HLA-DMB: variants seen among roughly 807,000 people sequenced by gnomAD.
The protein encoded by HLA-DMB is major histocompatibility complex, class II, DM beta, also known as HLA class II histocompatibility antigen, DM beta chain.
A neutral mutation model predicts 29.3 loss-of-function variants in HLA-DMB; 18 were observed. That is an observed-to-expected ratio of 0.62 (90% CI 0.43 to 0.91). HLA-DMB has a LOEUF of 0.91. Ranked by LOEUF, HLA-DMB falls within the 40% of genes least tolerant of loss-of-function variation. The pLI, the probability that HLA-DMB is intolerant of heterozygous loss-of-function variation, is 0.00. For missense variants in HLA-DMB, 258 were observed against 320.9 expected (o/e 0.80, Z 1.50); for synonymous variants, 143 against 128.7 (o/e 1.11, Z -0.75).
At position 32,940,898 on chromosome 6, in the gene HLA-DMB, T is replaced by C; in HGVS notation, c.-91A>G. ...CTCGCCTGTCCCAGAAGCCCCAGCC[T>C]GGGTAGATGATCTCCAGACACTGAG... On this transcript the variant is annotated 5_prime_UTR_variant, in exon 1 of 6. Transcript: ENST00000418107. 1.0e-6 allele frequency: 1 copy of C among 970,470 alleles called. No individual in the cohort carries two copies. The highest frequency in any genetic ancestry group is 1.6e-6 in the Non-Finnish European group (1 of 628,884). The allele number at this position is 970,470 out of a possible 1,614,324, so 60.1% of individuals were successfully genotyped here.
rs999784485 is a variant in HLA-DMB, at chr6:32,935,681, A to G, written c.623-29T>C. 1.9e-6 allele frequency: 3 copies of G among 1,543,356 alleles called. No homozygotes were observed. The African/African-American group carries it at 4.1e-5, about 21-fold the overall frequency. On this transcript the variant is annotated intron_variant, in intron 3 of 5. Coordinates refer to ENST00000418107, the MANE Select transcript of HLA-DMB (RefSeq NM_002118.5). ...CAAAAAATAGAAACTTACTTGACCC[A>G]GTTTCTGTTGCTCACCCCCAGGGCA...
intron 2 of HLA-DMB, chr6:32,938,479 C>T (rs1329420431): frequency 4.4e-6 from 2 of 454,986 alleles, no homozygotes; most frequent in Non-Finnish European, 7.4e-6. Context: ...TCAAGCCTCA[C>T]CTCCCCTTCT....
Position 32,940,772 on chromosome 6 carries a change from G to T in HLA-DMB, c.36C>A (p.Ser12Arg). The change falls in exon 1 of 6, where the codon AGC becomes AGA. Residue 12 changes from serine to arginine, a missense_variant. Transcript: ENST00000418107. Reference protein sequence around the residue: ...ITFLPLLLGLSLGCTGAGGFV... With the variant: ...ITFLPLLLGLRLGCTGAGGFV... ...CCTTACCTGCTCCTGTGCAGCCCAG[G>T]CTGAGCCCCAGCAGCAGCGGCAGGA... 6.2e-7 allele frequency: 1 copy of T among 1,606,186 alleles called. No individual in the cohort carries two copies. The highest frequency in any genetic ancestry group is 8.5e-7 in the Non-Finnish European group (1 of 1,176,942).
rs1340271052 is a variant in HLA-DMB, at chr6:32,937,768, C to G, written c.338-312G>C. 5.4e-6 allele frequency: 2 copies of G among 367,470 alleles called. No individual in the cohort carries two copies. Among genetic ancestry groups the G allele is most frequent in the African/African-American group, 4.1e-5 (2 of 48,468 alleles). 22.8% of individuals were successfully genotyped at this position (367,470 alleles called of 1,614,324 possible). On this transcript the variant is annotated intron_variant, in intron 2 of 5. Coordinates refer to ENST00000418107, the MANE Select transcript of HLA-DMB (RefSeq NM_002118.5). The surrounding 1 kb of genome is among the most constrained non-coding windows in gnomAD (Gnocchi z 4.1). ...GTTGTATTTATTTCAAGTACATAAA[C>G]TGGAAAGTATTTGAAATAAGGAAGC...
rs980138157 is a variant in HLA-DMB at position 32,940,886 on chromosome 6, G to A, written c.-79C>T. On this transcript the variant is annotated 5_prime_UTR_variant, in exon 1 of 6. Transcript: ENST00000418107. The stretch of plus-strand genomic sequence containing the variant: ...GGTCCGTGGGTCCTCGCCTGTCCCA[G>A]AAGCCCCAGCCTGGGTAGATGATCT... 1 of 1,135,556 alleles carries A rather than the reference G, an allele frequency of 8.8e-7. No individual in the cohort carries two copies. Among genetic ancestry groups the A allele is most frequent in the African/African-American group, 1.5e-5 (1 of 64,924 alleles). 70.3% of individuals were successfully genotyped at this position (1,135,556 alleles called of 1,614,324 possible). A position where few individuals can be genotyped will look rare whatever the true frequency, so the allele number is the denominator to read the frequency against.
Position 32,935,457 on chromosome 6 carries a change from A to C in HLA-DMB, c.739+79T>G, listed in dbSNP as rs1293848874. On this transcript the variant is annotated intron_variant, in intron 4 of 5. Coordinates refer to ENST00000418107, the MANE Select transcript of HLA-DMB (RefSeq NM_002118.5). ...AGTATTCATAGCAAATGCAGTAGGA[A>C]GGAGAGAGTTAATCACAAACAGAAA... 4 of 1,505,102 alleles carry C rather than the reference A, an allele frequency of 2.7e-6. No individual in the cohort carries two copies. In the African/African-American group the frequency reaches 5.5e-5, roughly 21 times the overall value. The allele number at this position is 1,505,102 out of a possible 1,614,324, so 93.2% of individuals were successfully genotyped here.
Position 32,937,969 on chromosome 6 carries a change from T to A in HLA-DMB, c.338-513A>T, listed in dbSNP as rs194675. 59,402 of 154,868 alleles carry A rather than the reference T, an allele frequency of 0.38. 12,532 individuals are homozygous for A. Among genetic ancestry groups the A allele is most frequent in the Middle Eastern group, 0.47 (142 of 302 alleles). The allele number at this position is 154,868 out of a possible 1,614,324, so 9.6% of individuals were successfully genotyped here. On this transcript the variant is annotated intron_variant, in intron 2 of 5. Coordinates refer to ENST00000418107, the MANE Select transcript of HLA-DMB (RefSeq NM_002118.5). The surrounding 1 kb of genome is among the most constrained non-coding windows in gnomAD (Gnocchi z 4.1). ...TTTGGAATGAATGTAGTCAAACTAA[T>A]GAGATTGCTAATACTGCCATCTTTT...
intron 1 of HLA-DMB, among the ~76,000 whole-genome samples, chr6:32,939,651 T>C (rs914177218): frequency 6.6e-6 from 1 of 152,202 alleles, no homozygotes; most frequent in Non-Finnish European, 1.5e-5. Context: ...AAAGAAATGA[T>C]AAATGAGATG....
chr6:32,938,944 T>C lies in HLA-DMB; in HGVS notation c.77A>G (p.Glu26Gly). 6.3e-7 allele frequency: 1 copy of C among 1,580,192 alleles called. No homozygotes were observed. The highest frequency in any genetic ancestry group is 1.1e-5 in the South Asian group (1 of 87,210). ...AGCATCATCCAACAGACAGGTGCTT[T>C]CCACATGGGCCACGAAGCCACCTAG... ...TGAGGFVAHV[E>G]STCLLDDAGT... The change falls in exon 2 of 6, where the codon GAA becomes GGA. Residue 26 changes from glutamate (E) to glycine (G), a missense_variant. Glu to Gly is a moderately conservative substitution (Grantham distance 98, BLOSUM62 -2). Transcript: ENST00000418107.
chr6:32,935,015 G>T (rs1489432905), intron 5 of HLA-DMB, 28 bp from the exon 6 acceptor site: 1 of 1,612,484 alleles, frequency 6.2e-7, no homozygotes, highest in South Asian at 1.1e-5. Context: ...GGGAGATAAT[G>T]AGGCTTCAAC....
chr6:32,938,384 TG>T, intron 2 of HLA-DMB: 1 of 351,726 alleles, frequency 2.8e-6, no homozygotes, highest in East Asian at 4.2e-5. Flanking sequence ...CATCAAAATC[TG>T]GGATAACAAG....
At chr6:32,938,386 G>A (rs1424244570) in intron 2 of HLA-DMB, 5 of 353,340 alleles carry the variant, frequency 1.4e-5, no homozygotes, top group Non-Finnish European at 2.5e-5. Context: ...TCAAAATCTG[G>A]GATAACAAGG....
In HLA-DMB at chr6:32,937,494, G is replaced by A; in HGVS notation, c.338-38C>T. ...AAAAAACATGTTTAGGAAGGAGGGT[G>A]ACATTCTGGCTGCTTCCTCAACCTG... On this transcript the variant is annotated intron_variant, in intron 2 of 5. Coordinates refer to ENST00000418107, the MANE Select transcript of HLA-DMB (RefSeq NM_002118.5). This position sits in a 1 kb window ranked among gnomAD's most constrained non-coding sequence, Gnocchi z 4.1. 8 of 1,575,716 alleles carry A rather than the reference G, an allele frequency of 5.1e-6. No individual in the cohort carries two copies. Among genetic ancestry groups the A allele is most frequent in the Non-Finnish European group, 6.1e-6 (7 of 1,154,764 alleles).
At chr6:32,939,739 A>G (rs1425320816) in intron 1 of HLA-DMB, among the ~76,000 whole-genome samples, 1 of 152,242 alleles carries the variant, frequency 6.6e-6, no homozygotes, top group East Asian at 1.9e-4. Flanking sequence ...AATTATTATT[A>G]TCAATTAAAA....
In HLA-DMB at chr6:32,935,552, C is replaced by T; in HGVS notation, c.723G>A (p.Arg241=). The T allele has an allele frequency of 6.2e-7, 1 of 1,612,920 alleles. No individual in the cohort carries two copies. Among genetic ancestry groups the T allele is most frequent in the Non-Finnish European group, 8.5e-7 (1 of 1,179,876 alleles). Residue 241 remains arginine, a synonymous_variant, in exon 4 of 6, where the codon CGG becomes CGA. Coordinates refer to ENST00000418107, the MANE Select transcript of HLA-DMB (RefSeq NM_002118.5). The part of the protein sequence containing the change: ...IIFSLGVISW[R]RAGHSSYTPL... ...GTCACTCACTAGAGTGGCCAGCTCT[C>T]CGCCAGCTGATCACACCAAGAGAGA...
chr6:32,935,025 C>T (rs750566259), intron 5 of HLA-DMB, 38 bp from the exon 6 acceptor site: 2 of 1,611,470 alleles, frequency 1.2e-6, no homozygotes, highest in South Asian at 2.2e-5. Context: ...GAGGCTTCAA[C>T]CCAACTTGCC....
rs1268976290 is a variant in HLA-DMB at position 32,937,075 on chromosome 6, A to G, written c.622+97T>C. 4 of 1,065,612 alleles carry G rather than the reference A, an allele frequency of 3.8e-6. No homozygotes were observed. The highest frequency in any genetic ancestry group is 2.6e-5 in the East Asian group (1 of 37,754). 66.0% of individuals were successfully genotyped at this position (1,065,612 alleles called of 1,614,324 possible). A position where few individuals can be genotyped will look rare whatever the true frequency, so the allele number is the denominator to read the frequency against. Reference sequence around the variant, plus strand: ...GTAAGTTCCTCCAGACTCAGTCCCCATTTTCAGCACTTCGCTGTCTACCAT... The same window carrying G: ...GTAAGTTCCTCCAGACTCAGTCCCCGTTTTCAGCACTTCGCTGTCTACCAT... On this transcript the variant is annotated intron_variant, in intron 3 of 5. Transcript: ENST00000418107. The surrounding 1 kb of genome is among the most constrained non-coding windows in gnomAD (Gnocchi z 4.1).
intron 1 of HLA-DMB, among the ~76,000 whole-genome samples, chr6:32,939,386 C>T (rs1007390156): frequency 3.9e-5 from 6 of 152,208 alleles, no homozygotes; most frequent in Non-Finnish European, 7.3e-5. Context: ...GAGAACTTCT[C>T]AGTTGGTAAA....
chr6:32,938,588 C>T (rs1408332923), intron 2 of HLA-DMB, 96 bp downstream of exon 2: 3 of 1,209,522 alleles, frequency 2.5e-6, no homozygotes, highest in African/African-American at 1.6e-5. Context: ...TTATTTGCTG[C>T]TCAAATCTCA....
Sources: gnomAD v4.1 joint callset for allele counts (sites outside exome capture counted in the v4.1 genomes callset) on GRCh38, gnomAD v4.1.1 for gene constraint, Gnocchi (gnomAD v3.1) non-coding constraint, MANE v1.5 for transcripts, NCBI Gene and HGNC (gene_info 2026-07-23, HGNC 2026-07-21) for gene names.